The following EMSY variants were observed in gnomAD, a reference collection of about 807,000 sequenced individuals.
The protein encoded by EMSY is EMSY transcriptional repressor, BRCA2 interacting, also known as BRCA2-interacting transcriptional repressor EMSY.
Under a neutral mutation model 134.6 loss-of-function variants are expected in EMSY, and 26 were observed. That is an observed-to-expected ratio of 0.19 (90% CI 0.14 to 0.27). The LOEUF (loss-of-function observed/expected upper bound fraction) is 0.27, where lower values mean the gene tolerates loss of function less well. Ranked by LOEUF, EMSY falls within the 10% of genes least tolerant of loss-of-function variation. EMSY has a pLI of 1.00. For missense variants in EMSY, 1,305 were observed against 1,611.4 expected (o/e 0.81, Z 3.26); for synonymous variants, 579 against 577.8 (o/e 1.00, Z -0.03).
At chr11:76,473,511 G>T (rs143123842) in intron 8 of EMSY, among the ~76,000 whole-genome samples, 2,460 of 151,806 alleles carry the variant, frequency 0.016, 69 homozygotes, top group African/African-American at 0.056. Flanking sequence ...GTCTCACCAT[G>T]TTGCCCAGGC....
At chr11:76,453,507 C>T (rs1313219177) in intron 4 of EMSY, 119 bp downstream of exon 4, 1 of 868,326 alleles carries the variant, frequency 1.2e-6, no homozygotes, top group Non-Finnish European at 1.7e-6. Flanking sequence ...TCTCTATACT[C>T]AGGGATCCTG....
downstream of EMSY, chr11:76,552,679 C>A (rs1236695452): frequency 6.6e-6 from 1 of 152,144 alleles, no homozygotes; most frequent in Non-Finnish European, 1.5e-5. Flanking sequence ...CATAAACTCT[C>A]CCATTTAAAG....
At chr11:76,451,543 G>A (rs570340641) in intron 2 of EMSY, among the ~76,000 whole-genome samples, 11 of 152,332 alleles carry the variant, frequency 7.2e-5, no homozygotes, top group Non-Finnish European at 1.0e-4. Flanking sequence ...TGTTACATCA[G>A]TTGGTGCCTA....
rs1005231453 is a variant in EMSY at position 76,474,828 on chromosome 11, A to G, written c.1108+1988A>G. Among the ~76,000 whole-genome samples the G allele has an allele frequency of 5.3e-5, 8 of 152,258 alleles. No homozygotes were observed. The East Asian group carries it at 1.5e-3, about 29-fold the overall frequency. ...GCCCAGGCTAGAGTGCAGTGGCATG[A>G]TCTTGGCTTCCTGCAACCTCCGCCT... is the stretch of plus-strand genomic sequence containing the variant. On this transcript the variant is annotated intron_variant, in intron 8 of 20. Coordinates refer to ENST00000334736, the Ensembl canonical transcript of EMSY.
At chr11:76,459,051 A>G (rs1298660142) in intron 5 of EMSY, 1 of 152,170 alleles carries the variant, frequency 6.6e-6, no homozygotes, top group Admixed American at 6.5e-5. Flanking sequence ...CACTTTTTTT[A>G]TGCATGACAG....
At chr11:76,519,429 A>C (rs1950569857) in intron 11 of EMSY, among the ~76,000 whole-genome samples, 1 of 152,156 alleles carries the variant, frequency 6.6e-6, no homozygotes, top group African/African-American at 2.4e-5. Context: ...CAGATTTGTA[A>C]GTTTTTTTGT....
intron 20 of EMSY, 88 bp from the exon 22 acceptor site, chr11:76,549,864 T>C: frequency 8.1e-7 from 1 of 1,227,000 alleles, no homozygotes; most frequent in South Asian, 1.5e-5. Context: ...ATGTCAGTTT[T>C]CTTTTTTTTT....
At chr11:76,513,257 C>T in intron 9 of EMSY, 129 bp from the exon 11 acceptor site, 1 of 657,566 alleles carries the variant, frequency 1.5e-6, no homozygotes, top group African/African-American at 1.9e-5. Context: ...AGAGTTTCAT[C>T]AGTATTAAAA....
intron 8 of EMSY, among the ~76,000 whole-genome samples, chr11:76,482,933 C>T (rs1949037953): frequency 6.6e-6 from 1 of 152,062 alleles, no homozygotes; most frequent in South Asian, 2.1e-4. Flanking sequence ...GAAGAGCAAC[C>T]CCAAGACACA....
chr11:76,491,182 T>C (rs1040648139), intron 8 of EMSY, among the ~76,000 whole-genome samples: 11 of 148,092 alleles, frequency 7.4e-5, no homozygotes, highest in South Asian at 6.3e-4. Flanking sequence ...TTTTTCTTTT[T>C]TTTTTTTTTT....
downstream of EMSY, chr11:76,552,397 C>T (rs180924134): frequency 1.3e-5 from 2 of 152,224 alleles, no homozygotes; most frequent in Admixed American, 1.3e-4. Context: ...TCAGACATCC[C>T]TTTACTGAAA....
chr11:76,474,257 C>T (rs1303083459), intron 8 of EMSY, among the ~76,000 whole-genome samples: 1 of 151,740 alleles, frequency 6.6e-6, no homozygotes. Context: ...TTTTAGTGTT[C>T]GTAGGTCTTA....
intron 13 of EMSY, 108 bp downstream of exon 14, chr11:76,526,743 AT>A: frequency 8.9e-7 from 1 of 1,120,126 alleles, no homozygotes; most frequent in Non-Finnish European, 1.3e-6. Flanking sequence ...AAGAAATCAG[AT>A]TGTTAAAAGT....
At chr11:76,468,682 T>C (rs1019704333) in intron 7 of EMSY, among the ~76,000 whole-genome samples, 9 of 152,236 alleles carry the variant, frequency 5.9e-5, no homozygotes, top group African/African-American at 1.4e-4. Context: ...TTGTGGACTT[T>C]ATTCAAATTC....
At chr11:76,489,797 G>C (rs567367310) in intron 8 of EMSY, among the ~76,000 whole-genome samples, 5 of 152,044 alleles carry the variant, frequency 3.3e-5, no homozygotes, top group Non-Finnish European at 7.4e-5. Flanking sequence ...TAGAGTCAGC[G>C]TCTCACCATG....
chr11:76,481,653 C>T (rs925667321), intron 8 of EMSY, among the ~76,000 whole-genome samples: 2 of 152,206 alleles, frequency 1.3e-5, no homozygotes, highest in Admixed American at 6.5e-5. Context: ...GGGCGGAGCC[C>T]ACTGCAGCTC....
intron 20 of EMSY, among the ~76,000 whole-genome samples, chr11:76,547,881 A>G (rs1201268921): frequency 2.6e-5 from 4 of 152,228 alleles, no homozygotes; most frequent in Non-Finnish European, 5.9e-5. Flanking sequence ...AGCTTTTAGC[A>G]TGTCCCATGT....
At chr11:76,550,325 C>A (rs2136932372) in exon 21 of EMSY, 2 of 421,790 alleles carry the variant, frequency 4.7e-6, no homozygotes, top group East Asian at 7.2e-5. Flanking sequence ...ATAAAACTCA[C>A]AGGGGAATGT....
intron 9 of EMSY, among the ~76,000 whole-genome samples, chr11:76,505,127 T>C (rs568839166): frequency 6.6e-6 from 1 of 152,200 alleles, no homozygotes; most frequent in Non-Finnish European, 1.5e-5. Flanking sequence ...TAACATTACA[T>C]TGTACATTTT....
Sources: gnomAD v4.1 joint callset for allele counts (sites outside exome capture counted in the v4.1 genomes callset) on GRCh38, gnomAD v4.1.1 for gene constraint, MANE v1.5 for transcripts, NCBI Gene and HGNC (gene_info 2026-07-23, HGNC 2026-07-21) for gene names.